Variants in JAKMIP3 observed in about 807,000 individuals in gnomAD.
The protein encoded by JAKMIP3 is janus kinase and microtubule-interacting protein 3.
Under a neutral mutation model 118.5 loss-of-function variants are expected in JAKMIP3, and 58 were observed. The ratio of observed to expected loss-of-function variants is 0.49; its 90% CI spans 0.40 to 0.61. The LOEUF is 0.61. Among genes scored for constraint, JAKMIP3 ranks in the 20% least tolerant of loss-of-function variants. The probability of loss-of-function intolerance (pLI) is 0.00; values close to 1 mark genes in which losing one functional copy is unlikely to be tolerated. For synonymous variants in JAKMIP3, 486 were observed against 451.2 expected (o/e 1.08, Z -0.98); for missense variants, 950 against 1,109.0 (o/e 0.86, Z 2.04).
At position 132,103,426 on chromosome 10, in the gene JAKMIP3, GGAGGAGCACCTGGGGGA is replaced by G. The variant is rs1314067068; in HGVS notation, c.-137-1237_-137-1221del. 3.0e-3 allele frequency among the ~76,000 whole-genome samples: 339 copies of G among 111,352 alleles called. 1 individual carries two copies. The highest frequency in any genetic ancestry group is 0.014 in the African/African-American group (320 of 23,196). 73.1% of individuals were successfully genotyped at this position (111,352 alleles called of 152,430 possible). On this transcript the variant is annotated intron_variant, in intron 1 of 23. Transcript: ENST00000684848. Reference sequence around the variant, plus strand: ...CCTGGGGGAGAGGAGCAGCTGGAGGGGAGGAGCACCTGGGGGAGAGGAGCAGCTGGGGGGGGGAGGAG... The same window carrying G: ...CCTGGGGGAGAGGAGCAGCTGGAGGGGAGGAGCAGCTGGGGGGGGGAGGAG...
intron 11 of JAKMIP3, 28 bp downstream of exon 11, chr10:132,142,076 GGCCCCCCTC>G: frequency 2.0e-6 from 3 of 1,484,298 alleles, no homozygotes; most frequent in Non-Finnish European, 2.7e-6. Flanking sequence ...CGCGCGTTCC[GGCCCCCCTC>G]GTGCCTTCCC....
intron 1 of JAKMIP3, among the ~76,000 whole-genome samples, chr10:132,080,834 C>A (rs1158135514): frequency 6.6e-6 from 1 of 152,062 alleles, no homozygotes; most frequent in Non-Finnish European, 1.5e-5. Context: ...TATAGGAATT[C>A]TTTATATATC....
intron 1 of JAKMIP3, among the ~76,000 whole-genome samples, chr10:132,099,248 T>G (rs1474815870): frequency 2.0e-5 from 3 of 152,058 alleles, no homozygotes; most frequent in Admixed American, 2.0e-4. Context: ...GACACTGAGG[T>G]TCACTGTGGT....
At chr10:132,036,833 TGGGGCGGGCGG>T (rs1183893370) in intron 1 of JAKMIP3, among the ~76,000 whole-genome samples, 2 of 150,540 alleles carry the variant, frequency 1.3e-5, no homozygotes, top group Non-Finnish European at 3.0e-5. Flanking sequence ...CTGGCGGCCG[TGGGGCGGGCGG>T]GGGGCGACGT....
intron 9 of JAKMIP3, among the ~76,000 whole-genome samples, chr10:132,140,215 G>A (rs931552677): frequency 9.8e-5 from 15 of 152,326 alleles, no homozygotes; most frequent in Non-Finnish European, 1.3e-4. Flanking sequence ...CAAGGGCAGG[G>A]CCAGGACCCG....
At chr10:132,133,582 T>A in intron 4 of JAKMIP3, 55 bp downstream of exon 4, 3 of 1,464,478 alleles carry the variant, frequency 2.0e-6, no homozygotes, top group Non-Finnish European at 2.8e-6. Context: ...GACCTGGCCA[T>A]GTGGCTGCAT....
intron 23 of JAKMIP3, among the ~76,000 whole-genome samples, chr10:132,180,580 CGTGCGCGTGTGTGTGTGCGTGCGCGT>C (rs2060801586): frequency 7.7e-5 from 1 of 12,988 alleles, no homozygotes; most frequent in African/African-American, 5.4e-4. Context: ...TGTGTGTGTG[CGTGCGCGTGTGTGTGTGCGTGCGCGT>C]GTGTGTGTGC....
upstream of JAKMIP3, among the ~76,000 whole-genome samples, chr10:132,062,107 C>T (rs1260919132): frequency 1.3e-5 from 2 of 152,272 alleles, no homozygotes; most frequent in East Asian, 3.9e-4. Flanking sequence ...GCCACAGAGA[C>T]ACAGGGGAAG....
intron 1 of JAKMIP3, among the ~76,000 whole-genome samples, chr10:132,040,477 CACAG>C (rs1222873407): frequency 6.6e-6 from 1 of 152,196 alleles, no homozygotes; most frequent in Non-Finnish European, 1.5e-5. Context: ...CCCAGCCACA[CACAG>C]AGTTTGGATC....
Position 132,117,900 on chromosome 10 carries a change from C to T in JAKMIP3, c.633+326C>T, listed in dbSNP as rs188285805. On this transcript the variant is annotated intron_variant, in intron 3 of 23. Coordinates refer to ENST00000684848, the MANE Select transcript of JAKMIP3 (RefSeq NM_001323087.2). This position sits in a 1 kb window ranked among gnomAD's most constrained non-coding sequence, Gnocchi z 8.6. ...GGGCCACAGCAAGAAACCTAGAAATCGGCACTGCCCATCCACACCGCAGGG... is the reference window on the plus strand; with the variant it reads ...GGGCCACAGCAAGAAACCTAGAAATTGGCACTGCCCATCCACACCGCAGGG... 1.3e-5 allele frequency among the ~76,000 whole-genome samples: 2 copies of T among 152,302 alleles called. No individual in the cohort carries two copies. The highest frequency in any genetic ancestry group is 1.9e-4 in the East Asian group (1 of 5,170).
chr10:132,117,123 G>T lies in JAKMIP3; in HGVS notation c.182G>T (p.Arg61Leu). The change falls in exon 3 of 24, where the codon CGC (arginine) becomes CTC (leucine). Residue 61 changes from arginine (R) to leucine (L), a missense_variant. By Grantham distance (102) the Arg-to-Leu change is moderately radical. Transcript: ENST00000684848. The surrounding 1 kb of genome is among the most constrained non-coding windows in gnomAD (Gnocchi z 8.6). ...REKNQELRQV[R>L]EHEQHKTAVL... ...AAGAACCAGGAGCTGCGGCAGGTGC[G>T]CGAGCATGAGCAGCATAAGACCGCG... 1 of 1,613,028 alleles carries T rather than the reference G, an allele frequency of 6.2e-7. No individual in the cohort carries two copies. The highest frequency in any genetic ancestry group is 8.5e-7 in the Non-Finnish European group (1 of 1,179,374).
intron 9 of JAKMIP3, among the ~76,000 whole-genome samples, chr10:132,139,717 G>GCA (rs1282657062): frequency 6.6e-6 from 1 of 152,234 alleles, no homozygotes. Flanking sequence ...GTGTGGGGAG[G>GCA]CACACAGGAC....
At position 132,058,765 on chromosome 10, in the gene JAKMIP3, C is replaced by T. The variant is rs193269598; in HGVS notation, c.-138+22027C>T. Among the ~76,000 whole-genome samples the T allele has an allele frequency of 1.3e-3, 201 of 152,282 alleles. 1 individual carries two copies. Among genetic ancestry groups the T allele is most frequent in the African/African-American group, 4.7e-3 (195 of 41,560 alleles). On this transcript the variant is annotated intron_variant, in intron 1 of 23. Coordinates refer to the JAKMIP3 transcript ENST00000657785. ...CTGCATCCAGATGCTTCTCGACAGA[C>T]GAGGGAGTCATATGTCTGGATAAAT...
chr10:132,156,231 C>A (rs543343328), intron 19 of JAKMIP3, among the ~76,000 whole-genome samples: 11 of 152,314 alleles, frequency 7.2e-5, no homozygotes, highest in African/African-American at 2.6e-4. Context: ...GTCTCTGTCC[C>A]CCGAAGCTTC....
chr10:132,037,133 C>T (rs115166502), intron 1 of JAKMIP3, among the ~76,000 whole-genome samples: 129 of 152,374 alleles, frequency 8.5e-4, no homozygotes, highest in Admixed American at 1.8e-3. Context: ...TCACAGCCCC[C>T]ATTTCAGGGA....
intron 2 of JAKMIP3, among the ~76,000 whole-genome samples, chr10:132,116,446 C>A (rs1186662272): frequency 6.8e-6 from 1 of 147,644 alleles, no homozygotes; most frequent in Non-Finnish European, 1.5e-5. Flanking sequence ...AAGCTCCCCC[C>A]AAATGCACAT....
At chr10:132,080,453 T>C (rs931710650) in intron 1 of JAKMIP3, among the ~76,000 whole-genome samples, 6 of 151,012 alleles carry the variant, frequency 4.0e-5, no homozygotes, top group Non-Finnish European at 7.4e-5. Flanking sequence ...ATTCAAATCC[T>C]TCCTAATTTT....
chr10:132,158,972 G>GGGT lies in JAKMIP3; in HGVS notation c.2221-4235_2221-4234insTGG, dbSNP rs1459328869. 3.1e-4 allele frequency among the ~76,000 whole-genome samples: 32 copies of GGGT among 104,608 alleles called. 13 individuals are homozygous for GGGT. Among genetic ancestry groups the GGGT allele is most frequent in the African/African-American group, 1.1e-3 (29 of 26,752 alleles). 68.6% of individuals were successfully genotyped at this position (104,608 alleles called of 152,430 possible). On this transcript the variant is annotated intron_variant, in intron 19 of 23. Coordinates refer to ENST00000684848, the MANE Select transcript of JAKMIP3 (RefSeq NM_001323087.2). Reference sequence around the variant, plus strand: ...GGGACCTCTCGCTGTGTGATGCTGGGGGGGATCTCTCGCTGTGTGATGCTG... The same window carrying GGGT: ...GGGACCTCTCGCTGTGTGATGCTGGGGGTGGGGATCTCTCGCTGTGTGATGCTG...
intron 23 of JAKMIP3, among the ~76,000 whole-genome samples, chr10:132,169,464 G>A (rs936101621): frequency 2.6e-5 from 4 of 152,210 alleles, no homozygotes; most frequent in Non-Finnish European, 5.9e-5. Flanking sequence ...GGCGACTCTG[G>A]GTGCTCCCAG....
Sources: gnomAD v4.1 joint callset for allele counts (sites outside exome capture counted in the v4.1 genomes callset) on GRCh38, gnomAD v4.1.1 for gene constraint, Gnocchi (gnomAD v3.1) non-coding constraint, MANE v1.5 for transcripts, NCBI Gene and HGNC (gene_info 2026-07-23, HGNC 2026-07-21) for gene names.